The following CERS6 variants were observed in gnomAD, a reference collection of about 807,000 sequenced individuals.
The protein encoded by CERS6 is LAG1 homolog, ceramide synthase 6.
In CERS6, 26 loss-of-function variants were observed where a neutral mutation model predicts 56.8. The observed-to-expected ratio is 0.46, with a 90% CI of 0.34 to 0.63. CERS6 has a LOEUF of 0.63. CERS6 is among the 30% of genes least tolerant of loss of function. The pLI, the probability that CERS6 is intolerant of heterozygous loss-of-function variation, is 0.01. For synonymous variants in CERS6, 164 were observed against 173.3 expected (o/e 0.95, Z 0.42); for missense variants, 415 against 467.5 (o/e 0.89, Z 1.04).
chr2:168,495,353 G>A (rs183906539), intron 1 of CERS6, among the ~76,000 whole-genome samples: 9 of 152,322 alleles, frequency 5.9e-5, no homozygotes, highest in Non-Finnish European at 1.5e-5. Flanking sequence ...CAAAACAATA[G>A]TCACCTGAGG....
intron 6 of CERS6, among the ~76,000 whole-genome samples, chr2:168,697,572 T>C (rs925777896): frequency 1.4e-5 from 2 of 138,296 alleles, no homozygotes; most frequent in African/African-American, 5.0e-5. Flanking sequence ...TTTTTTTAAC[T>C]TGGGAGAATT....
chr2:168,698,559 G>A (rs928018569), intron 6 of CERS6, among the ~76,000 whole-genome samples: 4 of 152,100 alleles, frequency 2.6e-5, no homozygotes, highest in Admixed American at 6.5e-5. Context: ...GGTGTTAAAC[G>A]ATGAGAAACC....
Position 168,486,122 on chromosome 2 carries a change from A to G in CERS6, c.170+29504A>G, listed in dbSNP as rs530512209. On this transcript the variant is annotated intron_variant, in intron 1 of 9. Transcript: ENST00000305747. Reference sequence around the variant, plus strand: ...GACATATGATATTGAACATCTTTTCATATGCTTACCATTTGTATGTCCTTT... The same window carrying G: ...GACATATGATATTGAACATCTTTTCGTATGCTTACCATTTGTATGTCCTTT... Among the ~76,000 whole-genome samples, 32 of 152,128 alleles carry G rather than the reference A, an allele frequency of 2.1e-4. No individual in the cohort carries two copies. In the South Asian group the frequency reaches 6.6e-3, roughly 32 times the overall value.
At chr2:168,516,470 T>C (rs190565935) in intron 1 of CERS6, among the ~76,000 whole-genome samples, 46 of 152,322 alleles carry the variant, frequency 3.0e-4, no homozygotes, top group African/African-American at 8.9e-4. Context: ...AGAGCAAGAC[T>C]AAATGAATCT....
chr2:168,495,809 C>T (rs555520435), intron 1 of CERS6, among the ~76,000 whole-genome samples: 15 of 152,276 alleles, frequency 9.9e-5, no homozygotes, highest in African/African-American at 3.6e-4. Flanking sequence ...ATGATTGTTT[C>T]CATTTTGACT....
At chr2:168,520,850 T>C (rs563533152) in intron 1 of CERS6, among the ~76,000 whole-genome samples, 1 of 152,054 alleles carries the variant, frequency 6.6e-6, no homozygotes, top group East Asian at 1.9e-4. Context: ...CCTCAAGTGA[T>C]CTGCCGCCTC....
intron 1 of CERS6, among the ~76,000 whole-genome samples, chr2:168,493,694 T>G (rs1039918733): frequency 3.3e-5 from 5 of 152,118 alleles, no homozygotes; most frequent in Non-Finnish European, 5.9e-5. Flanking sequence ...TGTATTACAG[T>G]CTTATTGTGG....
chr2:168,721,434 T>C (rs1446438766), intron 8 of CERS6, among the ~76,000 whole-genome samples: 1 of 152,066 alleles, frequency 6.6e-6, no homozygotes, highest in East Asian at 1.9e-4. Context: ...CAAGCTGTTG[T>C]GTGAACACAC....
chr2:168,728,209 A>G (rs531456976), intron 8 of CERS6, among the ~76,000 whole-genome samples: 2 of 152,170 alleles, frequency 1.3e-5, no homozygotes, highest in East Asian at 3.9e-4. Flanking sequence ...AGCCTAAAGT[A>G]TTTGCTCTCT....
At chr2:168,717,744 A>G (rs1162062513) in intron 7 of CERS6, 128 bp from the exon 8 acceptor site, 2 of 601,454 alleles carry the variant, frequency 3.3e-6, no homozygotes, top group Non-Finnish European at 5.8e-6. Context: ...GCAGGCTGAA[A>G]TGCATAAAAA....
At chr2:168,760,769 T>TA (rs1559083933) in intron 8 of CERS6, among the ~76,000 whole-genome samples, 15 of 151,052 alleles carry the variant, frequency 9.9e-5, no homozygotes, top group African/African-American at 3.2e-4. Flanking sequence ...TTTATTTATT[T>TA]TTTTGAGACG....
At chr2:168,703,915 C>T (rs753981583) in intron 6 of CERS6, among the ~76,000 whole-genome samples, 1 of 152,084 alleles carries the variant, frequency 6.6e-6, no homozygotes, top group Non-Finnish European at 1.5e-5. Context: ...AGAATATAAG[C>T]AGGGAAAAAG....
intron 1 of CERS6, among the ~76,000 whole-genome samples, chr2:168,460,981 CGAGAGAGAGA>C (rs145858084): frequency 6.7e-6 from 1 of 150,270 alleles, no homozygotes; most frequent in African/African-American, 2.4e-5. Context: ...GTTGAGAGAG[CGAGAGAGAGA>C]GAGAGTGTGA....
At chr2:168,637,036 A>G (rs1438065132) in intron 4 of CERS6, among the ~76,000 whole-genome samples, 2 of 152,196 alleles carry the variant, frequency 1.3e-5, no homozygotes, top group African/African-American at 4.8e-5. Flanking sequence ...CTTTCAGCTC[A>G]TATCCCATAA....
At chr2:168,645,964 A>G (rs142450286) in intron 4 of CERS6, among the ~76,000 whole-genome samples, 1 of 152,164 alleles carries the variant, frequency 6.6e-6, no homozygotes, top group African/African-American at 2.4e-5. Context: ...GGTTGATTCC[A>G]TGTCTTTGCT....
chr2:168,670,054 C>T (rs949946722), intron 4 of CERS6, among the ~76,000 whole-genome samples: 4 of 152,138 alleles, frequency 2.6e-5, no homozygotes, highest in African/African-American at 9.7e-5. Flanking sequence ...AAACATGTTG[C>T]AATTGGGGTG....
chr2:168,612,804 T>C (rs910927076), intron 3 of CERS6, among the ~76,000 whole-genome samples: 1 of 152,198 alleles, frequency 6.6e-6, no homozygotes, highest in Non-Finnish European at 1.5e-5. Flanking sequence ...CTCTTGTTCT[T>C]TTTCTGTGTT....
At chr2:168,764,569 C>T (rs573442293) in intron 8 of CERS6, among the ~76,000 whole-genome samples, 1 of 152,110 alleles carries the variant, frequency 6.6e-6, no homozygotes, top group Admixed American at 6.5e-5. Flanking sequence ...TAAGGACCCT[C>T]TAATGACTCT....
intron 8 of CERS6, among the ~76,000 whole-genome samples, chr2:168,734,891 A>G (rs1378238357): frequency 1.3e-5 from 2 of 152,226 alleles, no homozygotes; most frequent in Non-Finnish European, 2.9e-5. Flanking sequence ...AGTGCAAGAC[A>G]TTTATTGTTG....
Sources: allele counts gnomAD v4.1 joint callset (sites outside exome capture counted in the v4.1 genomes callset), GRCh38; gene constraint gnomAD v4.1.1; transcripts MANE v1.5; gene names NCBI Gene and HGNC (gene_info 2026-07-23, HGNC 2026-07-21).